Variants in TFEC observed in about 807,000 individuals in gnomAD.
TFEC encodes the protein transcription factor EC, also known as class E basic helix-loop-helix protein 34.
Under a neutral mutation model 41.6 loss-of-function variants are expected in TFEC, and 31 were observed. The observed-to-expected ratio is 0.74, with a 90% CI of 0.56 to 1.01. The LOEUF is 1.01. TFEC is among the 50% of genes least tolerant of loss of function. TFEC has a pLI of 0.00. For synonymous variants in TFEC, 143 were observed against 140.6 expected, an observed-to-expected ratio of 1.02 and a Z score of -0.12; for missense variants, 402 against 404.1, an observed-to-expected ratio of 0.99 and a Z score of 0.04.
intron 1 of TFEC, among the ~76,000 whole-genome samples, chr7:116,156,202 A>C (rs1294734628): frequency 6.6e-6 from 1 of 152,158 alleles, no homozygotes; most frequent in Non-Finnish European, 1.5e-5. Context: ...GAAAGACAGA[A>C]ACAGCAGGAG....
intron 3 of TFEC, among the ~76,000 whole-genome samples, chr7:116,060,054 T>C (rs537459231): frequency 6.6e-6 from 1 of 152,204 alleles, no homozygotes; most frequent in Middle Eastern, 3.4e-3. Context: ...TGAGTGTCTA[T>C]GTAAAAAAAC....
At chr7:116,104,125 C>T (rs1036592911) in intron 3 of TFEC, among the ~76,000 whole-genome samples, 5 of 152,000 alleles carry the variant, frequency 3.3e-5, no homozygotes, top group East Asian at 1.9e-4. Context: ...ATTTATTATC[C>T]GAAGGTTGTC....
chr7:116,065,866 A>G (rs1796683225), intron 3 of TFEC, among the ~76,000 whole-genome samples: 1 of 152,166 alleles, frequency 6.6e-6, no homozygotes, highest in Admixed American at 6.6e-5. Context: ...TGCCCTCTGC[A>G]GCAGAATTGA....
chr7:116,154,935 T>C (rs977119343), intron 1 of TFEC, among the ~76,000 whole-genome samples: 1 of 152,224 alleles, frequency 6.6e-6, no homozygotes, highest in African/African-American at 2.4e-5. Context: ...GCCTTGGCCC[T>C]GGTTTTTCCT....
intron 3 of TFEC, among the ~76,000 whole-genome samples, chr7:116,036,154 G>A (rs905701208): frequency 1.3e-5 from 2 of 152,008 alleles, no homozygotes; most frequent in Admixed American, 6.6e-5. Context: ...CTGAAAATGT[G>A]CTTATTTTGG....
Position 116,016,445 on chromosome 7 carries a change from G to T in TFEC, c.-73+14188C>A, listed in dbSNP as rs924037240. ...TAATGACTCCCAAATTTGCATTTCT[G>T]TTCCCTATCTCTGTGTGAGGATGGA... On this transcript the variant is annotated intron_variant, in intron 1 of 7. Transcript: ENST00000265440. Among the ~76,000 whole-genome samples the T allele has an allele frequency of 9.9e-5, 15 of 152,084 alleles. No individual in the cohort carries two copies. The South Asian group carries it at 2.7e-3, about 27-fold the overall frequency.
At chr7:116,073,271 T>G (rs1335756653) in intron 3 of TFEC, among the ~76,000 whole-genome samples, 1 of 151,686 alleles carries the variant, frequency 6.6e-6, no homozygotes, top group African/African-American at 2.4e-5. Flanking sequence ...GGAAATAAAT[T>G]TAGCAAAAGA....
intron 3 of TFEC, among the ~76,000 whole-genome samples, chr7:116,108,187 T>C (rs1797764014): frequency 6.6e-6 from 1 of 152,190 alleles, no homozygotes; most frequent in South Asian, 2.1e-4. Context: ...CGCAAAGGTA[T>C]TTTAAAGCTC....
intron 1 of TFEC, among the ~76,000 whole-genome samples, chr7:116,135,631 A>G (rs533443836): frequency 4.6e-5 from 7 of 152,142 alleles, no homozygotes; most frequent in Non-Finnish European, 8.8e-5. Context: ...ACAGCTCAGC[A>G]TGCACTTCTA....
chr7:116,075,262 G>A (rs182563689), intron 3 of TFEC, among the ~76,000 whole-genome samples: 60 of 152,202 alleles, frequency 3.9e-4, no homozygotes, highest in Admixed American at 6.5e-4. Context: ...TTAAGATGGC[G>A]GACAGGTGGC....
At chr7:116,043,069 G>A (rs1796078326) in intron 3 of TFEC, among the ~76,000 whole-genome samples, 1 of 152,096 alleles carries the variant, frequency 6.6e-6, no homozygotes, top group Non-Finnish European at 1.5e-5. Flanking sequence ...TAGAAAGAGA[G>A]GTACTATAAC....
chr7:116,140,602 C>T (rs1034311066), intron 1 of TFEC, among the ~76,000 whole-genome samples: 3 of 152,184 alleles, frequency 2.0e-5, no homozygotes, highest in African/African-American at 4.8e-5. Flanking sequence ...GATGTATTGG[C>T]AGTGTCTTAC....
At chr7:116,010,619 A>C (rs531044987) in intron 1 of TFEC, among the ~76,000 whole-genome samples, 3 of 152,198 alleles carry the variant, frequency 2.0e-5, no homozygotes, top group Non-Finnish European at 4.4e-5. Context: ...TATGACATCC[A>C]CACTTAAGTG....
At chr7:116,122,995 C>T (rs1798138600) in intron 1 of TFEC, among the ~76,000 whole-genome samples, 1 of 151,960 alleles carries the variant, frequency 6.6e-6, no homozygotes, top group Non-Finnish European at 1.5e-5. Flanking sequence ...ATTTTTTTAA[C>T]CAATCCCCCC....
At chr7:116,090,326 G>C (rs1431772976) in intron 3 of TFEC, among the ~76,000 whole-genome samples, 1 of 152,058 alleles carries the variant, frequency 6.6e-6, no homozygotes, top group Non-Finnish European at 1.5e-5. Context: ...GAAATCTCTA[G>C]GGGGCATTTG....
intron 3 of TFEC, among the ~76,000 whole-genome samples, chr7:116,060,198 A>ATG (rs57604470): frequency 1.7e-3 from 251 of 151,542 alleles, no homozygotes; most frequent in Non-Finnish European, 2.9e-3. Context: ...TAGATTTAAA[A>ATG]GTACTAAAGT....
intron 1 of TFEC, among the ~76,000 whole-genome samples, chr7:116,125,170 AC>A (rs1798184591): frequency 1.3e-5 from 2 of 152,326 alleles, no homozygotes; most frequent in South Asian, 4.1e-4. Context: ...AGATGAAATT[AC>A]TTGATGAAAG....
chr7:116,075,108 A>G (rs1796925497), intron 3 of TFEC, among the ~76,000 whole-genome samples: 1 of 152,168 alleles, frequency 6.6e-6, no homozygotes, highest in Non-Finnish European at 1.5e-5. Flanking sequence ...AAATGTTCTA[A>G]AGTTAGATTG....
In TFEC at chr7:115,974,239, C is replaced by T. The variant is rs377535318; in HGVS notation, c.198G>A (p.Glu66=). Residue 66 remains glutamate, a synonymous_variant, in exon 3 of 8, where the codon GAG becomes GAA. Coordinates refer to ENST00000265440, the MANE Select transcript of TFEC (RefSeq NM_012252.4). ...AACTTGATTCCATACCGATTATATC[C>T]TCAATAACGTCCTCCATCTAGCAAA... ...NAQWHMEDVI[E]DIIGMESSFK... is the part of the protein sequence containing the mutation. 112 of 1,591,922 alleles carry T rather than the reference C, an allele frequency of 7.0e-5. No individual in the cohort carries two copies. The highest frequency in any genetic ancestry group is 9.5e-5 in the Non-Finnish European group (111 of 1,170,536).
Sources: gnomAD v4.1 joint callset for allele counts (sites outside exome capture counted in the v4.1 genomes callset) on GRCh38, gnomAD v4.1.1 for gene constraint, MANE v1.5 for transcripts, NCBI Gene and HGNC (gene_info 2026-07-23, HGNC 2026-07-21) for gene names.